Variants in ARHGEF28 observed in about 807,000 individuals in gnomAD.
The protein encoded by ARHGEF28 is 190 kDa guanine nucleotide exchange factor.
In ARHGEF28, 152 loss-of-function variants were observed where a neutral mutation model predicts 206.6. The observed-to-expected ratio is 0.74, with a 90% CI of 0.64 to 0.84. The LOEUF (loss-of-function observed/expected upper bound fraction) is 0.84, where lower values mean the gene tolerates loss of function less well. Among genes scored for constraint, ARHGEF28 ranks in the 40% least tolerant of loss-of-function variants. The probability of loss-of-function intolerance (pLI) is 0.00; values close to 1 mark genes in which losing one functional copy is unlikely to be tolerated. For synonymous variants in ARHGEF28, 763 were observed against 776.4 expected (o/e 0.98, Z 0.29); for missense variants, 2,028 against 2,073.2 (o/e 0.98, Z 0.42).
intron 9 of ARHGEF28, among the ~76,000 whole-genome samples, chr5:73,822,472 G>A (rs1756657175): frequency 6.6e-6 from 1 of 152,110 alleles, no homozygotes; most frequent in Non-Finnish European, 1.5e-5. Context: ...GAAATTCCTG[G>A]GCTGAGGATA....
At chr5:73,803,123 A>G (rs1462740652) in intron 9 of ARHGEF28, among the ~76,000 whole-genome samples, 1 of 152,182 alleles carries the variant, frequency 6.6e-6, no homozygotes, top group Non-Finnish European at 1.5e-5. Context: ...TGGGCAAGAA[A>G]GCCAACAGAA....
intron 14 of ARHGEF28, among the ~76,000 whole-genome samples, chr5:73,854,050 C>G (rs545960052): frequency 1.3e-5 from 2 of 151,934 alleles, no homozygotes; most frequent in African/African-American, 4.8e-5. Flanking sequence ...CTGTTCCTTT[C>G]TATTCTTTAA....
At chr5:73,730,413 G>A (rs6897988) in intron 2 of ARHGEF28, among the ~76,000 whole-genome samples, 19,407 of 152,056 alleles carry the variant, frequency 0.13, 2,260 homozygotes, top group African/African-American at 0.31. Flanking sequence ...TTCCAGTGTT[G>A]CCTTGCATCG....
rs138813571 is a variant in ARHGEF28, at chr5:73,712,503, C to T, written c.33+27619C>T. On this transcript the variant is annotated intron_variant, in intron 2 of 35. Coordinates refer to ENST00000513042, the MANE Select transcript of ARHGEF28 (RefSeq NM_001177693.2). Reference sequence around the variant, plus strand: ...TCCTCCATAAGTGGCTTGGTACCTACAGTGCTAGCACCAGTGCAGGCATAT... The same window carrying T: ...TCCTCCATAAGTGGCTTGGTACCTATAGTGCTAGCACCAGTGCAGGCATAT... Among the ~76,000 whole-genome samples the T allele has an allele frequency of 3.0e-3, 459 of 152,294 alleles. 2 individuals are homozygous for T. The highest frequency in any genetic ancestry group is 0.011 in the African/African-American group (438 of 41,560).
intron 2 of ARHGEF28, among the ~76,000 whole-genome samples, chr5:73,718,342 A>G (rs1161566839): frequency 6.6e-6 from 1 of 152,086 alleles, no homozygotes; most frequent in African/African-American, 2.4e-5. Context: ...TGCTCTAGGG[A>G]TGTTGTCTGA....
At chr5:73,925,828 A>C (rs1763765671) in intron 35 of ARHGEF28, among the ~76,000 whole-genome samples, 1 of 152,204 alleles carries the variant, frequency 6.6e-6, no homozygotes, top group African/African-American at 2.4e-5. Context: ...TGAATATTCC[A>C]AAGTTTACTT....
chr5:73,856,519 ATATAGAG>A (rs1759050162), intron 14 of ARHGEF28, among the ~76,000 whole-genome samples: 2 of 152,140 alleles, frequency 1.3e-5, no homozygotes, highest in Admixed American at 1.3e-4. Context: ...CTAAAACCTA[ATATAGAG>A]CTTAAATAAC....
intron 2 of ARHGEF28, among the ~76,000 whole-genome samples, chr5:73,703,794 T>C (rs1300179966): frequency 6.6e-6 from 1 of 151,902 alleles, no homozygotes; most frequent in African/African-American, 2.4e-5. Context: ...TCCCAGCACT[T>C]TGGGAGGCCG....
chr5:73,697,124 G>A lies in ARHGEF28; in HGVS notation c.33+12240G>A, dbSNP rs137905722. On this transcript the variant is annotated intron_variant, in intron 2 of 35. Transcript: ENST00000513042. ...AAATTAAGGAAGTCTTTTCGAGGTA[G>A]ACAATTCCTGGCTGAGAACTAGAAC... 2.6e-4 allele frequency among the ~76,000 whole-genome samples: 39 copies of A among 152,328 alleles called. No homozygotes were observed. The East Asian group carries it at 7.5e-3, about 29-fold the overall frequency.
intron 2 of ARHGEF28, among the ~76,000 whole-genome samples, chr5:73,722,730 A>G (rs999035005): frequency 5.9e-4 from 90 of 152,348 alleles, no homozygotes; most frequent in African/African-American, 2.0e-3. Context: ...TTTATGATAA[A>G]TCCTTATTCA....
intron 34 of ARHGEF28, among the ~76,000 whole-genome samples, chr5:73,910,277 A>G (rs1357422006): frequency 6.8e-6 from 1 of 146,710 alleles, no homozygotes; most frequent in Non-Finnish European, 1.5e-5. Context: ...GCTACTCAGG[A>G]GGCTGAGGCA....
At chr5:73,728,000 C>T (rs1293414402) in intron 2 of ARHGEF28, among the ~76,000 whole-genome samples, 1 of 152,154 alleles carries the variant, frequency 6.6e-6, no homozygotes, top group African/African-American at 2.4e-5. Flanking sequence ...TTTATCTGGT[C>T]CTCTTGCATC....
chr5:73,817,132 A>G (rs1372377101), intron 9 of ARHGEF28, among the ~76,000 whole-genome samples: 1 of 152,216 alleles, frequency 6.6e-6, no homozygotes, highest in Non-Finnish European at 1.5e-5. Context: ...GGAAATGTTG[A>G]AATGTTTATT....
intron 4 of ARHGEF28, among the ~76,000 whole-genome samples, chr5:73,766,416 T>G (rs1752902626): frequency 6.6e-6 from 1 of 152,226 alleles, no homozygotes; most frequent in Non-Finnish European, 1.5e-5. Flanking sequence ...AAATAACTTG[T>G]AAAACTCACA....
intron 35 of ARHGEF28, among the ~76,000 whole-genome samples, chr5:73,925,219 G>A (rs1478895188): frequency 1.3e-5 from 2 of 152,236 alleles, no homozygotes; most frequent in East Asian, 1.9e-4. Context: ...CACAGGAGGC[G>A]ATACGCTTGC....
At chr5:73,633,442 C>G (rs1329145936) in intron 1 of ARHGEF28, among the ~76,000 whole-genome samples, 1 of 151,998 alleles carries the variant, frequency 6.6e-6, no homozygotes, top group Non-Finnish European at 1.5e-5. Context: ...GCCAAGTCAC[C>G]TAAACTTTTA....
intron 10 of ARHGEF28, among the ~76,000 whole-genome samples, chr5:73,839,162 A>C (rs751213348): frequency 6.6e-6 from 1 of 152,222 alleles, no homozygotes; most frequent in Non-Finnish European, 1.5e-5. Flanking sequence ...ATCAGAAGGC[A>C]TAGGACATCA....
chr5:73,925,935 A>G (rs1474863016), intron 35 of ARHGEF28, among the ~76,000 whole-genome samples: 1 of 152,178 alleles, frequency 6.6e-6, no homozygotes, highest in Non-Finnish European at 1.5e-5. Context: ...TTTGTGAATT[A>G]TGTTTATATT....
chr5:73,813,632 C>A (rs1561422767), intron 9 of ARHGEF28: 4 of 1,535,900 alleles, frequency 2.6e-6, no homozygotes, highest in East Asian at 2.4e-5. Flanking sequence ...TCGTGGCCTT[C>A]CTTTCCCAAA....
Sources: allele counts gnomAD v4.1 joint callset (sites outside exome capture counted in the v4.1 genomes callset), GRCh38; gene constraint gnomAD v4.1.1; transcripts MANE v1.5; gene names NCBI Gene and HGNC (gene_info 2026-07-23, HGNC 2026-07-21).